The following FAM81A variants were observed in gnomAD, a reference collection of about 807,000 sequenced individuals.
FAM81A encodes family with sequence similarity 81 member A, also known as protein FAM81A.
In FAM81A, 19 loss-of-function variants were observed where a neutral mutation model predicts 46.7. The ratio of observed to expected loss-of-function variants is 0.41; its 90% CI spans 0.28 to 0.60. The LOEUF (loss-of-function observed/expected upper bound fraction) is 0.60, where lower values mean the gene tolerates loss of function less well. Ranked by LOEUF, FAM81A falls within the 20% of genes least tolerant of loss-of-function variation. The pLI is 0.34. For missense variants in FAM81A, 377 were observed against 453.5 expected (o/e 0.83, Z 1.53); for synonymous variants, 183 against 152.9 (o/e 1.20, Z -1.45).
rs548300784 is a variant in FAM81A, at chr15:59,414,211, C to T, written c.-78+11853C>T. Among the ~76,000 whole-genome samples the T allele has an allele frequency of 3.3e-5, 5 of 152,266 alleles. No homozygotes were observed. The South Asian group carries it at 1.0e-3, about 32-fold the overall frequency. On this transcript the variant is annotated intron_variant, in intron 2 of 4. Transcript: ENST00000558348. ...TCAAGTGATCCGCCCGCCTTGGCCT[C>T]CTAAAGTGCTGGGATTATAGGTGTG...
chr15:59,414,075 T>C (rs368317012), intron 2 of FAM81A, among the ~76,000 whole-genome samples: 88 of 152,316 alleles, frequency 5.8e-4, no homozygotes, highest in African/African-American at 1.9e-3. Context: ...TCCAGCCTCC[T>C]GAGTAGCTGG....
intron 3 of FAM81A, among the ~76,000 whole-genome samples, chr15:59,474,814 G>C (rs1596503755): frequency 6.6e-6 from 1 of 152,108 alleles, no homozygotes; most frequent in Non-Finnish European, 1.5e-5. Context: ...GCAGTGCTGA[G>C]AATAAACCCA....
At chr15:59,483,879 C>T (rs2141722438) in intron 3 of FAM81A, among the ~76,000 whole-genome samples, 1 of 152,330 alleles carries the variant, frequency 6.6e-6, no homozygotes, top group Non-Finnish European at 1.5e-5. Context: ...CTAAGCCAGT[C>T]TCCTGCCCCA....
chr15:59,415,442 G>C (rs2081142461), intron 2 of FAM81A, among the ~76,000 whole-genome samples: 1 of 152,174 alleles, frequency 6.6e-6, no homozygotes, highest in South Asian at 2.1e-4. Flanking sequence ...TTGCTAATCA[G>C]CTGATCTTGA....
intron 4 of FAM81A, among the ~76,000 whole-genome samples, chr15:59,500,185 G>C (rs1339964983): frequency 1.3e-5 from 2 of 151,998 alleles, no homozygotes; most frequent in Non-Finnish European, 2.9e-5. Flanking sequence ...CTTGGTGTTT[G>C]CCCTACTTGG....
chr15:59,459,681 C>T (rs1412761106), intron 2 of FAM81A, among the ~76,000 whole-genome samples: 2 of 151,820 alleles, frequency 1.3e-5, no homozygotes, highest in Non-Finnish European at 2.9e-5. Context: ...CTCGGTGTAC[C>T]CAACTCTGCC....
chr15:59,426,031 G>A (rs1222991374), intron 2 of FAM81A, among the ~76,000 whole-genome samples: 15 of 152,286 alleles, frequency 9.8e-5, no homozygotes. Flanking sequence ...CAGTCAATGA[G>A]TTTATGTTCT....
At chr15:59,462,153 A>G (rs1284196057) in intron 3 of FAM81A, among the ~76,000 whole-genome samples, 1 of 151,594 alleles carries the variant, frequency 6.6e-6, no homozygotes, top group Non-Finnish European at 1.5e-5. Flanking sequence ...CAGTGAGCCA[A>G]GACCATGCCA....
rs2081879536 is a variant in FAM81A, at chr15:59,483,448, G to A, written c.295-8823G>A. ...TTTTACTAAGAAGTTTGAAAATCCT[G>A]AAAAAAATACACAAGTATTTTCTTT... On this transcript the variant is annotated intron_variant, in intron 3 of 8. Coordinates refer to ENST00000288228, the MANE Select transcript of FAM81A (RefSeq NM_152450.3). Among the ~76,000 whole-genome samples, 9 of 151,362 alleles carry A rather than the reference G, an allele frequency of 5.9e-5. No homozygotes were observed. The South Asian group carries it at 1.9e-3, about 32-fold the overall frequency.
chr15:59,491,455 A>C (rs28842551), intron 3 of FAM81A, among the ~76,000 whole-genome samples: 45 of 152,316 alleles, frequency 3.0e-4, no homozygotes, highest in African/African-American at 1.1e-3. Context: ...AATGTGGATG[A>C]TTAATGGGCA....
intron 1 of FAM81A, 190 bp downstream of exon 1, chr15:59,438,472 T>TG (rs1397501919): frequency 3.3e-5 from 5 of 152,212 alleles, no homozygotes; most frequent in Non-Finnish European, 7.3e-5. Context: ...GGGCTGAAGT[T>TG]GGGCACAGAG....
At chr15:59,408,520 C>T (rs908320048) in intron 2 of FAM81A, among the ~76,000 whole-genome samples, 3 of 151,956 alleles carry the variant, frequency 2.0e-5, no homozygotes, top group South Asian at 2.1e-4. Flanking sequence ...GTTGTAAAAC[C>T]CCATCTCTAT....
intron 2 of FAM81A, 92 bp from the exon 3 acceptor site, chr15:59,459,841 A>G: frequency 6.9e-7 from 1 of 1,442,866 alleles, no homozygotes; most frequent in Non-Finnish European, 9.1e-7. Context: ...GTTATAGATA[A>G]TTTGTATTTC....
chr15:59,448,246 A>G (rs1163641221), intron 1 of FAM81A, among the ~76,000 whole-genome samples: 1 of 152,096 alleles, frequency 6.6e-6, no homozygotes, highest in Non-Finnish European at 1.5e-5. Context: ...GTGTGGTGGC[A>G]TGCACCTGTA....
At chr15:59,446,921 T>C (rs2081359714) in intron 1 of FAM81A, among the ~76,000 whole-genome samples, 1 of 152,246 alleles carries the variant, frequency 6.6e-6, no homozygotes, top group Admixed American at 6.5e-5. Context: ...ATCAGGCTTG[T>C]TTCTTGGTTT....
At chr15:59,430,925 C>A (rs2076880051) in intron 2 of FAM81A, among the ~76,000 whole-genome samples, 1 of 152,012 alleles carries the variant, frequency 6.6e-6, no homozygotes, top group African/African-American at 2.4e-5. Flanking sequence ...ATAGTTGAAC[C>A]AATATTAATT....
At chr15:59,423,578 CTTA>C (rs2081183829) in intron 2 of FAM81A, among the ~76,000 whole-genome samples, 1 of 152,054 alleles carries the variant, frequency 6.6e-6, no homozygotes, top group South Asian at 2.1e-4. Context: ...TGGACACAGA[CTTA>C]TTATATGTGA....
At chr15:59,436,897 C>A (rs1438884063), upstream of FAM81A, among the ~76,000 whole-genome samples, 1 of 152,206 alleles carries the variant, frequency 6.6e-6, no homozygotes, top group Non-Finnish European at 1.5e-5. Context: ...TTGATGAATG[C>A]TCGTCAGGCT....
intron 3 of FAM81A, among the ~76,000 whole-genome samples, chr15:59,477,515 A>G (rs889238090): frequency 6.6e-6 from 1 of 152,240 alleles, no homozygotes; most frequent in African/African-American, 2.4e-5. Context: ...ATTTGCCTAG[A>G]TAAGTCTTTA....
Sources: gnomAD v4.1 joint callset for allele counts (sites outside exome capture counted in the v4.1 genomes callset) on GRCh38, gnomAD v4.1.1 for gene constraint, MANE v1.5 for transcripts, NCBI Gene and HGNC (gene_info 2026-07-23, HGNC 2026-07-21) for gene names.